Variants in MAGI2 observed in about 807,000 individuals in gnomAD.
The protein encoded by MAGI2 is membrane associated guanylate kinase, WW and PDZ domain containing 2.
In MAGI2, 35 loss-of-function variants were observed where a neutral mutation model predicts 133.3. That is an observed-to-expected ratio of 0.26 (90% CI 0.20 to 0.35). MAGI2 has a LOEUF of 0.35. MAGI2 is among the 10% of genes least tolerant of loss of function. The pLI is 1.00. For synonymous variants in MAGI2, 729 were observed against 710.6 expected, an observed-to-expected ratio of 1.03 and a Z score of -0.41; for missense variants, 1,636 against 1,863.4, an observed-to-expected ratio of 0.88 and a Z score of 2.25.
chr7:78,356,078 G>A (rs1253304560), intron 7 of MAGI2, among the ~76,000 whole-genome samples: 3 of 152,118 alleles, frequency 2.0e-5, no homozygotes, highest in Non-Finnish European at 4.4e-5. Flanking sequence ...GCTTCCCTTA[G>A]GGCAAGTCCT....
rs772578332 is a variant in MAGI2, at chr7:78,256,078, G to C, written c.1912C>G (p.Pro638Ala). The C allele has an allele frequency of 6.2e-7, 1 of 1,613,650 alleles. No homozygotes were observed. The highest frequency in any genetic ancestry group is 2.2e-5 in the East Asian group (1 of 44,762). ...VKQILDIQGC[P>A]GLCEGDLIVE... is the part of the protein sequence containing the mutation. Reference sequence around the variant, plus strand: ...ATGAGGTCGCCTTCACACAGGCCAGGGCATCCCTGAATGTCAAGTATTTGT... The same window carrying C: ...ATGAGGTCGCCTTCACACAGGCCAGCGCATCCCTGAATGTCAAGTATTTGT... Residue 638 changes from proline to alanine, a missense_variant, in exon 10 of 22, where the codon CCT (proline) becomes GCT (alanine). By Grantham distance (27) the Pro-to-Ala change is conservative. Coordinates refer to ENST00000354212, the MANE Select transcript of MAGI2 (RefSeq NM_012301.4).
intron 20 of MAGI2, among the ~76,000 whole-genome samples, chr7:78,120,800 G>T (rs1241158604): frequency 4.0e-5 from 6 of 151,352 alleles, no homozygotes; most frequent in African/African-American, 1.5e-4. Flanking sequence ...AGGAGATCGA[G>T]ACCATCCCGG....
At chr7:78,371,390 A>G (rs1486236749) in intron 6 of MAGI2, among the ~76,000 whole-genome samples, 4 of 151,950 alleles carry the variant, frequency 2.6e-5, no homozygotes, top group South Asian at 4.1e-4. Flanking sequence ...CAGGTTTAAC[A>G]TCATCTTATG....
At chr7:79,074,073 C>T (rs1025096825) in intron 1 of MAGI2, among the ~76,000 whole-genome samples, 3 of 152,064 alleles carry the variant, frequency 2.0e-5, no homozygotes, top group African/African-American at 7.2e-5. Flanking sequence ...TTATATGCCC[C>T]ACTAGGTTAC....
At chr7:78,828,668 CATTA>C (rs1298874249) in intron 2 of MAGI2, among the ~76,000 whole-genome samples, 1 of 151,986 alleles carries the variant, frequency 6.6e-6, no homozygotes, top group Non-Finnish European at 1.5e-5. Context: ...AATATTCGTC[CATTA>C]ATTATGATTG....
intron 2 of MAGI2, among the ~76,000 whole-genome samples, chr7:78,792,118 T>A (rs1399850551): frequency 4.6e-5 from 7 of 152,094 alleles, no homozygotes; most frequent in Admixed American, 1.3e-4. Context: ...TAAGAGACAT[T>A]AGAGAAGAAA....
chr7:78,765,934 C>G (rs140074375), intron 2 of MAGI2, among the ~76,000 whole-genome samples: 5 of 152,278 alleles, frequency 3.3e-5, no homozygotes, highest in Non-Finnish European at 5.9e-5. Context: ...AGCAGAGGCA[C>G]CAGCATGTGC....
At chr7:78,814,798 CT>C (rs1563537690) in intron 2 of MAGI2, among the ~76,000 whole-genome samples, 1 of 152,212 alleles carries the variant, frequency 6.6e-6, no homozygotes, top group African/African-American at 2.4e-5. Context: ...TCATGGCTCA[CT>C]GCAGCCTCAA....
At chr7:79,440,200 T>C (rs1275961461) in intron 1 of MAGI2, among the ~76,000 whole-genome samples, 32 of 152,018 alleles carry the variant, frequency 2.1e-4, no homozygotes, top group Non-Finnish European at 2.9e-5. Flanking sequence ...CATGCTCTTA[T>C]TGGAGAGTCT....
intron 21 of MAGI2, among the ~76,000 whole-genome samples, chr7:78,051,597 A>G (rs1468283491): frequency 2.0e-5 from 3 of 152,030 alleles, no homozygotes; most frequent in Non-Finnish European, 1.5e-5. Flanking sequence ...TTGGAGATAC[A>G]TATTTGAGAC....
intron 1 of MAGI2, among the ~76,000 whole-genome samples, chr7:79,189,312 C>CAAA (rs34814587): frequency 0.023 from 1,740 of 74,232 alleles, 64 homozygotes; most frequent in African/African-American, 0.068. Flanking sequence ...TTTTTATAGG[C>CAAA]AAAAAAAAAA....
chr7:78,579,397 A>C (rs575459650), intron 3 of MAGI2, among the ~76,000 whole-genome samples: 12 of 152,296 alleles, frequency 7.9e-5, no homozygotes, highest in Middle Eastern at 3.4e-3. Context: ...GACAAACAAG[A>C]AGCAGCAGAG....
At chr7:78,071,353 T>C (rs1814670726) in intron 21 of MAGI2, among the ~76,000 whole-genome samples, 1 of 152,108 alleles carries the variant, frequency 6.6e-6, no homozygotes. Flanking sequence ...CTAGCCAACA[T>C]GGTGAAACCC....
intron 3 of MAGI2, among the ~76,000 whole-genome samples, chr7:78,556,428 C>T (rs1799829310): frequency 6.6e-6 from 1 of 152,196 alleles, no homozygotes; most frequent in Non-Finnish European, 1.5e-5. Context: ...GGACTGGATT[C>T]ATCCGTTTAC....
At chr7:79,240,818 G>T (rs1832339939) in intron 1 of MAGI2, among the ~76,000 whole-genome samples, 1 of 151,948 alleles carries the variant, frequency 6.6e-6, no homozygotes, top group Admixed American at 6.6e-5. Context: ...CTTCATGTCT[G>T]TTGTGTTCAA....
chr7:78,439,550 G>A (rs1787394449), intron 6 of MAGI2, among the ~76,000 whole-genome samples: 1 of 152,088 alleles, frequency 6.6e-6, no homozygotes, highest in African/African-American at 2.4e-5. Flanking sequence ...CAGCAAGAGT[G>A]AAGTCATGGA....
chr7:79,230,770 T>G (rs1012398061), intron 1 of MAGI2, among the ~76,000 whole-genome samples: 3 of 152,074 alleles, frequency 2.0e-5, no homozygotes, highest in African/African-American at 7.2e-5. Flanking sequence ...GTAGTTTCTT[T>G]CGCTGTGCAG....
chr7:79,258,121 T>C (rs1441446691), intron 1 of MAGI2, among the ~76,000 whole-genome samples: 2 of 152,156 alleles, frequency 1.3e-5, no homozygotes, highest in East Asian at 3.9e-4. Context: ...CAGTAGTACA[T>C]AAGGGGTTGT....
At chr7:78,904,094 T>C (rs1463610944) in intron 2 of MAGI2, 3 of 152,222 alleles carry the variant, frequency 2.0e-5, no homozygotes, top group Non-Finnish European at 2.9e-5. Flanking sequence ...GCTCAGCCAG[T>C]GGCTGCAGCT....
Sources: gnomAD v4.1 joint callset for allele counts (sites outside exome capture counted in the v4.1 genomes callset) on GRCh38, gnomAD v4.1.1 for gene constraint, MANE v1.5 for transcripts, NCBI Gene and HGNC (gene_info 2026-07-23, HGNC 2026-07-21) for gene names.